The following TCF7L2 variants were observed in gnomAD, a reference collection of about 807,000 sequenced individuals.
TCF7L2 encodes transcription factor 7-like 2.
TCF7L2 carries 23 observed loss-of-function variants against 77.9 expected under a neutral mutation model. That is an observed-to-expected ratio of 0.30 (90% CI 0.21 to 0.42). The LOEUF (loss-of-function observed/expected upper bound fraction) is 0.42. TCF7L2 is among the 10% of genes least tolerant of loss of function. The pLI is 1.00. For synonymous variants in TCF7L2, 413 were observed against 340.2 expected, an observed-to-expected ratio of 1.21 and a Z score of -2.36; for missense variants, 654 against 793.1, an observed-to-expected ratio of 0.82 and a Z score of 2.11.
chr10:113,129,056 T>C, intron 5 of TCF7L2: 1 of 152,932 alleles, frequency 6.5e-6, no homozygotes, highest in African/African-American at 2.4e-5. Flanking sequence ...CCCAGGAAGC[T>C]TCGTTTCTTC....
intron 3 of TCF7L2, among the ~76,000 whole-genome samples, chr10:112,962,833 A>C (rs1244677730): frequency 6.6e-6 from 1 of 152,246 alleles, no homozygotes; most frequent in East Asian, 1.9e-4. Flanking sequence ...CTCTGACCTC[A>C]GGTGATCTGC....
At chr10:113,043,927 C>T (rs1056234465) in intron 5 of TCF7L2, among the ~76,000 whole-genome samples, 3 of 152,050 alleles carry the variant, frequency 2.0e-5, no homozygotes, top group Admixed American at 6.5e-5. Flanking sequence ...TTTCATTTAG[C>T]CTCCTTTGTA....
chr10:113,125,169 G>A (rs1288881024), intron 5 of TCF7L2, among the ~76,000 whole-genome samples: 1 of 151,884 alleles, frequency 6.6e-6, no homozygotes, highest in Non-Finnish European at 1.5e-5. Flanking sequence ...CAGTAAAAGT[G>A]AAGACATGGA....
At chr10:113,144,238 C>T (rs2068916559) in intron 7 of TCF7L2, among the ~76,000 whole-genome samples, 1 of 151,862 alleles carries the variant, frequency 6.6e-6, no homozygotes, top group African/African-American at 2.4e-5. Context: ...AATCCACAGC[C>T]ATTCAGGTGG....
intron 4 of TCF7L2, among the ~76,000 whole-genome samples, chr10:112,982,379 A>G (rs1249779597): frequency 6.6e-6 from 1 of 152,204 alleles, no homozygotes; most frequent in East Asian, 1.9e-4. Context: ...ACAGGGGCCT[A>G]GTCCAGTACC....
intron 4 of TCF7L2, among the ~76,000 whole-genome samples, chr10:113,019,712 C>A (rs1451563991): frequency 6.6e-6 from 1 of 151,482 alleles, no homozygotes. Context: ...TGATTTTTTT[C>A]TTTTGCTGTT....
intron 3 of TCF7L2, among the ~76,000 whole-genome samples, chr10:112,959,611 A>G (rs1194688291): frequency 6.6e-6 from 1 of 152,184 alleles, no homozygotes; most frequent in Non-Finnish European, 1.5e-5. Flanking sequence ...AGATCTCTGC[A>G]GGAATGTTTA....
chr10:113,020,496 G>T (rs2048109029), intron 4 of TCF7L2, among the ~76,000 whole-genome samples: 1 of 152,132 alleles, frequency 6.6e-6, no homozygotes. Context: ...TTTCATCCAG[G>T]GCTGGAGGAC....
At chr10:113,084,122 G>C (rs1176219264) in intron 5 of TCF7L2, among the ~76,000 whole-genome samples, 3 of 152,258 alleles carry the variant, frequency 2.0e-5, no homozygotes, top group African/African-American at 7.2e-5. Context: ...CATTTGTCAG[G>C]GTTCTCCAGA....
At chr10:113,130,142 C>A (rs7919294) in intron 5 of TCF7L2, among the ~76,000 whole-genome samples, 37,617 of 151,860 alleles carry the variant, frequency 0.25, 5,157 homozygotes, top group Non-Finnish European at 0.31. Flanking sequence ...TCAACTCAAG[C>A]TATGCCCTTT....
intron 4 of TCF7L2, among the ~76,000 whole-genome samples, chr10:113,035,404 C>T (rs1015166589): frequency 9.2e-5 from 14 of 152,180 alleles, no homozygotes; most frequent in Non-Finnish European, 1.8e-4. Flanking sequence ...AATTGGCTTG[C>T]CACGTGCTTT....
intron 5 of TCF7L2, among the ~76,000 whole-genome samples, chr10:113,119,648 T>C (rs2064435295): frequency 6.7e-6 from 1 of 149,236 alleles, no homozygotes; most frequent in African/African-American, 2.5e-5. Context: ...AGAAACATTT[T>C]AGCCATGGTG....
At chr10:113,164,782 G>GT (rs912540591) in intron 13 of TCF7L2, among the ~76,000 whole-genome samples, 9 of 148,600 alleles carry the variant, frequency 6.1e-5, no homozygotes, top group African/African-American at 2.0e-4. Flanking sequence ...TTTGTTTTTT[G>GT]TTTTTGTTTT....
chr10:112,971,511 T>C (rs1685445480), intron 4 of TCF7L2, among the ~76,000 whole-genome samples: 1 of 151,976 alleles, frequency 6.6e-6, no homozygotes, highest in South Asian at 2.1e-4. Flanking sequence ...GGTTTCACCA[T>C]GTTGGCCAGG....
intron 4 of TCF7L2, among the ~76,000 whole-genome samples, chr10:112,975,952 G>C (rs1301740334): frequency 6.6e-6 from 1 of 152,216 alleles, no homozygotes; most frequent in African/African-American, 2.4e-5. Context: ...TTTAAAGCAT[G>C]CATCCTACCA....
chr10:112,964,664 A>G (rs2036084153), intron 4 of TCF7L2, 40 bp downstream of exon 4: 3 of 1,557,286 alleles, frequency 1.9e-6, no homozygotes, highest in Non-Finnish European at 2.7e-6. Flanking sequence ...AATTGTCTAT[A>G]TGTAGGTCTC....
At chr10:113,155,229 A>T (rs958868863) in intron 11 of TCF7L2, among the ~76,000 whole-genome samples, 1 of 152,108 alleles carries the variant, frequency 6.6e-6, no homozygotes, top group Non-Finnish European at 1.5e-5. Flanking sequence ...CCAAGAGAAA[A>T]CATCTTGAGT....
chr10:113,023,830 G>A lies in TCF7L2; in HGVS notation c.451-16195G>A, dbSNP rs184232688. Among the ~76,000 whole-genome samples the A allele has an allele frequency of 4.7e-3, 720 of 151,928 alleles. 6 individuals carry two copies. Among genetic ancestry groups the A allele is most frequent in the Non-Finnish European group, 6.4e-3 (433 of 67,954 alleles). ...ACTACAGGCACCTGCCACCACACCC[G>A]GCTCATTTTTTGTATTTTTAGTAGA... On this transcript the variant is annotated intron_variant, in intron 4 of 13. Coordinates refer to ENST00000627217, the MANE Select transcript of TCF7L2 (RefSeq NM_001146274.2).
At chr10:112,971,718 T>C (rs776672510) in intron 4 of TCF7L2, among the ~76,000 whole-genome samples, 4 of 151,730 alleles carry the variant, frequency 2.6e-5, no homozygotes, top group Non-Finnish European at 5.9e-5. Flanking sequence ...GTTCAAGCAA[T>C]TCTCCCGCCT....
Sources: allele counts gnomAD v4.1 joint callset (sites outside exome capture counted in the v4.1 genomes callset), GRCh38; gene constraint gnomAD v4.1.1; transcripts MANE v1.5; gene names NCBI Gene and HGNC (gene_info 2026-07-23, HGNC 2026-07-21).